TSPEAR: variants seen among roughly 807,000 people sequenced by gnomAD.
TSPEAR encodes thrombospondin-type laminin G domain and EAR repeat-containing protein.
In TSPEAR, 69 loss-of-function variants were observed where a neutral mutation model predicts 71.6. The ratio of observed to expected loss-of-function variants is 0.96; its 90% CI spans 0.79 to 1.18. The LOEUF is 1.18. TSPEAR is among the 50% of genes most tolerant of loss of function. The pLI is 0.00. For synonymous variants in TSPEAR, 402 were observed against 387.2 expected, an observed-to-expected ratio of 1.04 and a Z score of -0.45; for missense variants, 971 against 894.9, an observed-to-expected ratio of 1.09 and a Z score of -1.09.
chr21:44,639,103 C>T (rs1253914450), intron 1 of TSPEAR, among the ~76,000 whole-genome samples: 1 of 152,144 alleles, frequency 6.6e-6, no homozygotes. Flanking sequence ...AGCCTGCGGG[C>T]CCCCCTGCCC....
intron 1 of TSPEAR, chr21:44,575,247 C>T (rs1031093301): frequency 1.5e-5 from 9 of 586,164 alleles, no homozygotes; most frequent in Non-Finnish European, 2.5e-5. Context: ...ATATCTCCCA[C>T]CTCTCATGAG....
chr21:44,566,218 G>A (rs781838868), intron 2 of TSPEAR, among the ~76,000 whole-genome samples: 6 of 151,900 alleles, frequency 3.9e-5, no homozygotes, highest in Non-Finnish European at 7.4e-5. Context: ...CTATATATTT[G>A]CAATTAACAA....
chr21:44,657,343 A>G lies in TSPEAR; in HGVS notation c.82+54090T>C, dbSNP rs929211469. 5.3e-5 allele frequency among the ~76,000 whole-genome samples: 8 copies of G among 152,222 alleles called. No individual in the cohort carries two copies. The South Asian group carries it at 1.7e-3, about 32-fold the overall frequency. On this transcript the variant is annotated intron_variant, in intron 1 of 11. Transcript: ENST00000323084. The stretch of plus-strand genomic sequence containing the variant: ...CTTCTTGTATAGATTACTCTATGGC[A>G]GGGTTGGCTAACTTTCTGTAAAGGG...
At chr21:44,652,261 G>A (rs1451897132) in intron 1 of TSPEAR, among the ~76,000 whole-genome samples, 2 of 152,194 alleles carry the variant, frequency 1.3e-5, no homozygotes, top group Admixed American at 1.3e-4. Context: ...GGGATGACAG[G>A]CGTGAGCCAC....
chr21:44,602,893 T>C (rs71317703), intron 1 of TSPEAR, among the ~76,000 whole-genome samples: 126,078 of 151,836 alleles, frequency 0.83, 54,127 homozygotes, highest in Non-Finnish European at 0.94. Context: ...AAATCACAGC[T>C]GTGAATACCA....
intron 7 of TSPEAR, 138 bp from the exon 8 acceptor site, chr21:44,525,977 C>A: frequency 1.3e-6 from 1 of 791,272 alleles, no homozygotes; most frequent in Non-Finnish European, 2.1e-6. Context: ...GACCGAGGCC[C>A]CCGCATTACA....
chr21:44,608,842 A>G (rs1981477584), intron 1 of TSPEAR, among the ~76,000 whole-genome samples: 2 of 152,274 alleles, frequency 1.3e-5, no homozygotes, highest in Admixed American at 1.3e-4. Flanking sequence ...ATGCCTATCT[A>G]TGACCAAGCA....
intron 2 of TSPEAR, among the ~76,000 whole-genome samples, chr21:44,553,724 CTAGA>C (rs2053482752): frequency 6.6e-6 from 1 of 151,940 alleles, no homozygotes; most frequent in African/African-American, 2.4e-5. Flanking sequence ...ATCAGGCCAC[CTAGA>C]CATGCATTGA....
chr21:44,606,497 A>G (rs587661132), intron 1 of TSPEAR, among the ~76,000 whole-genome samples: 8 of 152,354 alleles, frequency 5.3e-5, no homozygotes, highest in African/African-American at 1.7e-4. Flanking sequence ...GAACTTGCCT[A>G]TGATCCACAA....
In TSPEAR at chr21:44,600,403, C is replaced by T. The variant is rs76105303; in HGVS notation, c.83-32398G>A. 9.2e-3 allele frequency among the ~76,000 whole-genome samples: 1,401 copies of T among 152,236 alleles called. 19 individuals are homozygous for T. The highest frequency in any genetic ancestry group is 0.032 in the African/African-American group (1,319 of 41,510). On this transcript the variant is annotated intron_variant, in intron 1 of 11. Transcript: ENST00000323084. ...TAGACTCAGGACTTTACAAACTGAA[C>T]GGCATCTCATAGGACTAAACATGAA...
At position 44,687,944 on chromosome 21, in the gene TSPEAR, G is replaced by A. The variant is rs1309127984; in HGVS notation, c.82+23489C>T. Among the ~76,000 whole-genome samples, 8 of 152,194 alleles carry A rather than the reference G, an allele frequency of 5.3e-5. No homozygotes were observed. Among genetic ancestry groups the A allele is most frequent in the African/African-American group, 1.7e-4 (7 of 41,438 alleles). ...GAAATATGATGCACTGACAGAGGCC[G>A]GCTCGGGGGTGAGTATCCGATCAAG... On this transcript the variant is annotated intron_variant, in intron 1 of 11. Transcript: ENST00000323084. This position sits in a 1 kb window ranked among gnomAD's most constrained non-coding sequence, Gnocchi z 4.4.
Position 44,522,032 on chromosome 21 carries a change from T to C in TSPEAR, c.1417A>G (p.Thr473Ala), listed in dbSNP as rs1555914351. 1 of 1,613,966 alleles carries C rather than the reference T, an allele frequency of 6.2e-7. No individual in the cohort carries two copies. The stretch of plus-strand genomic sequence containing the variant: ...AACTCCCAGTCGTAGGCGCCGGAGG[T>C]GGCGATGGTCTGGTTGGCCTCGAAG... Reference protein sequence around the residue: ...RLFEANQTIATSGAYDWEFFS... With the variant: ...RLFEANQTIAASGAYDWEFFS... The change falls in exon 9 of 12, where the codon ACC becomes GCC. Residue 473 changes from threonine to alanine, a missense_variant. Thr to Ala is a moderately conservative substitution (Grantham distance 58, BLOSUM62 0). Transcript: ENST00000323084.
chr21:44,503,699 C>T (rs1347741329), intron 11 of TSPEAR, among the ~76,000 whole-genome samples: 2 of 131,340 alleles, frequency 1.5e-5, no homozygotes, highest in Admixed American at 7.7e-5. Context: ...TGGGAGGAAG[C>T]CGGCCTCGGT....
chr21:44,645,174 G>C (rs1984243762), intron 1 of TSPEAR, among the ~76,000 whole-genome samples: 1 of 152,152 alleles, frequency 6.6e-6, no homozygotes, highest in Admixed American at 6.5e-5. Flanking sequence ...AAAAGTACTT[G>C]ATCTTTCACC....
chr21:44,559,120 T>TA lies in TSPEAR; in HGVS notation c.303+8664dup, dbSNP rs587749102. Among the ~76,000 whole-genome samples the TA allele has an allele frequency of 5.2e-3, 788 of 152,170 alleles. 7 individuals are homozygous for TA. Among genetic ancestry groups the TA allele is most frequent in the African/African-American group, 0.018 (758 of 41,502 alleles). On this transcript the variant is annotated intron_variant, in intron 2 of 11. Transcript: ENST00000323084. Reference sequence around the variant, plus strand: ...CTCCATCCCAGGAGGAGTTTGCACTTAAAAAAAGACTTCTACACCTAAGGA... The same window carrying TA: ...CTCCATCCCAGGAGGAGTTTGCACTTAAAAAAAAGACTTCTACACCTAAGGA...
chr21:44,641,751 C>T (rs1278084606), intron 1 of TSPEAR, among the ~76,000 whole-genome samples: 3 of 152,150 alleles, frequency 2.0e-5, no homozygotes, highest in African/African-American at 7.2e-5. Context: ...ACAAGAAGAT[C>T]AAAGTTATGC....
At chr21:44,541,455 C>T (rs1253604923) in intron 2 of TSPEAR, among the ~76,000 whole-genome samples, 1 of 152,116 alleles carries the variant, frequency 6.6e-6, no homozygotes, top group Admixed American at 6.5e-5. Context: ...AATCTCTGTT[C>T]GAAGGGGCCG....
Position 44,693,832 on chromosome 21 carries a change from A to C in TSPEAR, c.82+17601T>G, listed in dbSNP as rs183633028. On this transcript the variant is annotated intron_variant, in intron 1 of 11. Transcript: ENST00000323084. ...ATAAGGAGCACCCAAAAGAACTAAA[A>C]ATAAGTAAATAAATAAAAAGAGAGA... is the stretch of plus-strand genomic sequence containing the variant. Among the ~76,000 whole-genome samples, 14 of 152,332 alleles carry C rather than the reference A, an allele frequency of 9.2e-5. No individual in the cohort carries two copies. In the East Asian group the frequency reaches 2.5e-3, roughly 27 times the overall value.
At chr21:44,584,229 G>A (rs1451894101) in intron 1 of TSPEAR, among the ~76,000 whole-genome samples, 10 of 152,146 alleles carry the variant, frequency 6.6e-5, no homozygotes, top group African/African-American at 2.4e-4. Flanking sequence ...AGCATAGTGT[G>A]TGCAGGTTCA....
Sources: allele counts gnomAD v4.1 joint callset (sites outside exome capture counted in the v4.1 genomes callset), GRCh38; gene constraint gnomAD v4.1.1; non-coding constraint Gnocchi (gnomAD v3.1); transcripts MANE v1.5; gene names NCBI Gene and HGNC (gene_info 2026-07-23, HGNC 2026-07-21).